ZFYVE9: variants seen among roughly 807,000 people sequenced by gnomAD.
The protein encoded by ZFYVE9 is zinc finger FYVE-type containing 9.
Under a neutral mutation model 126.7 loss-of-function variants are expected in ZFYVE9, and 43 were observed. That is an observed-to-expected ratio of 0.34 (90% CI 0.27 to 0.44). The LOEUF (loss-of-function observed/expected upper bound fraction) is 0.44, where lower values mean the gene tolerates loss of function less well. ZFYVE9 is among the 20% of genes least tolerant of loss of function. ZFYVE9 has a pLI of 1.00. For synonymous variants in ZFYVE9, 521 were observed against 597.4 expected (o/e 0.87, Z 1.87); for missense variants, 1,476 against 1,697.0 (o/e 0.87, Z 2.29).
intron 17 of ZFYVE9, among the ~76,000 whole-genome samples, chr1:52,342,827 C>T (rs768883729): frequency 7.9e-5 from 12 of 152,078 alleles, no homozygotes; most frequent in Admixed American, 2.0e-4. Context: ...CCACCGCACC[C>T]GGCCTTATAT....
intron 4 of ZFYVE9, chr1:52,254,140 A>G: frequency 1.4e-6 from 1 of 718,314 alleles, no homozygotes. Context: ...AATTTCCTAG[A>G]TGTACAACTA....
At chr1:52,194,040 C>T (rs565852) in intron 1 of ZFYVE9, among the ~76,000 whole-genome samples, 117,131 of 151,902 alleles carry the variant, frequency 0.77, 47,935 homozygotes, top group Non-Finnish European at 0.9. Flanking sequence ...ACCTAGGAAG[C>T]GAAGGTTGCA....
chr1:52,212,744 T>G (rs1470889593), intron 1 of ZFYVE9, among the ~76,000 whole-genome samples: 4 of 152,242 alleles, frequency 2.6e-5, no homozygotes, highest in Non-Finnish European at 4.4e-5. Context: ...AATAAAAGTA[T>G]GAATAAAAAG....
chr1:52,151,164 C>T (rs954746759), intron 1 of ZFYVE9, among the ~76,000 whole-genome samples: 1 of 152,116 alleles, frequency 6.6e-6, no homozygotes, highest in Non-Finnish European at 1.5e-5. Flanking sequence ...CCTGTTTTTG[C>T]ATCCTGTTCT....
chr1:52,341,943 T>C (rs1445607092), intron 17 of ZFYVE9, among the ~76,000 whole-genome samples: 1 of 152,252 alleles, frequency 6.6e-6, no homozygotes, highest in Non-Finnish European at 1.5e-5. Context: ...GTTTGACCTC[T>C]GTTCCCTCCT....
rs79924012 is a variant in ZFYVE9, at chr1:52,258,443, C to T, written c.2179-5330C>T. Among the ~76,000 whole-genome samples, 1,115 of 140,306 alleles carry T rather than the reference C, an allele frequency of 7.9e-3. 15 individuals carry two copies. Among genetic ancestry groups the T allele is most frequent in the African/African-American group, 0.029 (1,073 of 37,350 alleles). 92.0% of individuals were successfully genotyped at this position (140,306 alleles called of 152,430 possible). A position where few individuals can be genotyped will look rare whatever the true frequency, so the allele number is the denominator to read the frequency against. ...TGCTACTGGCATTTAGCAACCTGTG[C>T]ATACCAAGACTGCTAAACATCTTGC... is the stretch of plus-strand genomic sequence containing the variant. On this transcript the variant is annotated intron_variant, in intron 4 of 18. Transcript: ENST00000287727.
chr1:52,342,350 C>T (rs569390546), intron 17 of ZFYVE9, among the ~76,000 whole-genome samples: 1 of 149,580 alleles, frequency 6.7e-6, no homozygotes, highest in East Asian at 2.0e-4. Flanking sequence ...ACTGCAAGCT[C>T]CGCCTCCCGG....
chr1:52,196,893 G>T (rs1280391109), intron 1 of ZFYVE9, among the ~76,000 whole-genome samples: 1 of 152,066 alleles, frequency 6.6e-6, no homozygotes, highest in Non-Finnish European at 1.5e-5. Context: ...AAACTGGAGA[G>T]GTAGGCAAGT....
At chr1:52,313,674 T>C (rs1646157794) in intron 13 of ZFYVE9, among the ~76,000 whole-genome samples, 1 of 152,166 alleles carries the variant, frequency 6.6e-6, no homozygotes, top group Admixed American at 6.5e-5. Context: ...GTCTAATGAC[T>C]CAAATTATGT....
chr1:52,171,158 C>G (rs567118817), intron 1 of ZFYVE9, among the ~76,000 whole-genome samples: 59 of 152,138 alleles, frequency 3.9e-4, no homozygotes, highest in Non-Finnish European at 5.6e-4. Flanking sequence ...CCGCTCCCCC[C>G]ACCCCACAAC....
chr1:52,196,722 G>A (rs926726547), intron 1 of ZFYVE9, among the ~76,000 whole-genome samples: 1 of 152,258 alleles, frequency 6.6e-6, no homozygotes, highest in Non-Finnish European at 1.5e-5. Context: ...TTTAATAGGA[G>A]AAATTTTTTA....
At chr1:52,232,983 G>A (rs148502651) in intron 2 of ZFYVE9, among the ~76,000 whole-genome samples, 188 bp from the exon 3 acceptor site, 102 of 152,038 alleles carry the variant, frequency 6.7e-4, no homozygotes, top group African/African-American at 2.2e-3. Flanking sequence ...ATATTTTGTT[G>A]ATTGTCAGCT....
chr1:52,246,171 A>G (rs539166474), intron 4 of ZFYVE9, among the ~76,000 whole-genome samples: 2 of 152,282 alleles, frequency 1.3e-5, no homozygotes, highest in East Asian at 3.9e-4. Flanking sequence ...CTCTACTGAT[A>G]CATCAGCCTT....
intron 10 of ZFYVE9, among the ~76,000 whole-genome samples, chr1:52,292,214 C>T (rs1645927980): frequency 6.9e-6 from 1 of 144,986 alleles, no homozygotes; most frequent in Admixed American, 7.1e-5. Flanking sequence ...ACCTGGGAGG[C>T]AGATGCTGCA....
intron 5 of ZFYVE9, among the ~76,000 whole-genome samples, chr1:52,265,300 C>A (rs1361696216): frequency 1.3e-5 from 2 of 152,154 alleles, no homozygotes; most frequent in Non-Finnish European, 2.9e-5. Context: ...TTCCTCCCCT[C>A]TTTCTGCCAG....
At chr1:52,304,855 G>T (rs1312862518) in intron 13 of ZFYVE9, among the ~76,000 whole-genome samples, 1 of 151,706 alleles carries the variant, frequency 6.6e-6, no homozygotes, top group Non-Finnish European at 1.5e-5. Flanking sequence ...TTTTTTCTGG[G>T]ATACAACTAG....
rs750140599 is a variant in ZFYVE9 at position 52,266,644 on chromosome 1, A to G, written c.2279-11A>G. 2 of 1,577,394 alleles carry G rather than the reference A, an allele frequency of 1.3e-6. No homozygotes were observed. Among genetic ancestry groups the G allele is most frequent in the Non-Finnish European group, 8.6e-7 (1 of 1,163,418 alleles). On this transcript the variant is annotated splice_polypyrimidine_tract_variant and intron_variant, in intron 5 of 18. Transcript: ENST00000287727. ...ATCCATTCACATTGATTGTGTCTGT[A>G]TTTGCTTTAGCTCAAGCCTGGGAGA...
At chr1:52,340,745 C>G (rs1646427322) in intron 17 of ZFYVE9, among the ~76,000 whole-genome samples, 2 of 151,698 alleles carry the variant, frequency 1.3e-5, no homozygotes, top group Admixed American at 6.6e-5. Flanking sequence ...ACTAAAAATA[C>G]AAAAATTAGC....
At chr1:52,311,664 A>G (rs1460822545) in intron 13 of ZFYVE9, among the ~76,000 whole-genome samples, 1 of 152,246 alleles carries the variant, frequency 6.6e-6, no homozygotes, top group Non-Finnish European at 1.5e-5. Flanking sequence ...CATTTCAATC[A>G]CGTGTCAAAT....
Sources: gnomAD v4.1 joint callset for allele counts (sites outside exome capture counted in the v4.1 genomes callset) on GRCh38, gnomAD v4.1.1 for gene constraint, MANE v1.5 for transcripts, NCBI Gene and HGNC (gene_info 2026-07-23, HGNC 2026-07-21) for gene names.